CAPN9: variants seen among roughly 807,000 people sequenced by gnomAD.
The protein encoded by CAPN9 is calpain-9.
Under a neutral mutation model 92.8 loss-of-function variants are expected in CAPN9, and 81 were observed. The ratio of observed to expected loss-of-function variants is 0.87; its 90% CI spans 0.73 to 1.05. CAPN9 has a LOEUF of 1.05. Ranked by LOEUF, CAPN9 falls within the 50% of genes least tolerant of loss-of-function variation. CAPN9 has a pLI of 0.00. For synonymous variants in CAPN9, 304 were observed against 328.0 expected, an observed-to-expected ratio of 0.93 and a Z score of 0.79; for missense variants, 848 against 866.2, an observed-to-expected ratio of 0.98 and a Z score of 0.26.
chr1:230,780,268 C>T lies in CAPN9; in HGVS notation c.1204C>T (p.Gln402Ter), dbSNP rs907684890. Residue 402 changes from glutamine to a stop codon, truncating the protein, a stop_gained, in exon 10 of 20, where the codon CAG becomes TAG. Coordinates refer to ENST00000271971, the MANE Select transcript of CAPN9 (RefSeq NM_006615.3). LOFTEE classifies it high-confidence loss of function. ...GTGTAGTTTCCTTGTAGCCCTGATGCAGAAAGATAGAAGGAAACTCAAGAG... is the reference window on the plus strand; with the variant it reads ...GTGTAGTTTCCTTGTAGCCCTGATGTAGAAAGATAGAAGGAAACTCAAGAG... ...EECSFLVALM[Q>*]KDRRKLKRFG... 2.6e-5 allele frequency: 42 copies of T among 1,614,008 alleles called. No individual in the cohort carries two copies. Among genetic ancestry groups the T allele is most frequent in the Non-Finnish European group, 3.4e-5 (40 of 1,179,884 alleles).
chr1:230,801,784 T>A lies in CAPN9; in HGVS notation c.*188T>A, dbSNP rs540823096. ...GCTACACTCTCTGATTTTGTGCTACTCCTTTGTAAAGTCACTGCCTTAAGG... is the reference window on the plus strand; with the variant it reads ...GCTACACTCTCTGATTTTGTGCTACACCTTTGTAAAGTCACTGCCTTAAGG... On this transcript the variant is annotated 3_prime_UTR_variant, in exon 20 of 20. Transcript: ENST00000271971. 116 of 638,696 alleles carry A rather than the reference T, an allele frequency of 1.8e-4. 1 individual carries two copies. Among genetic ancestry groups the A allele is most frequent in the Admixed American group, 1.6e-3 (63 of 40,168 alleles). The allele number at this position is 638,696 out of a possible 1,614,324, so 39.6% of individuals were successfully genotyped here. A position where few individuals can be genotyped will look rare whatever the true frequency, so the allele number is the denominator to read the frequency against.
intron 1 of CAPN9, among the ~76,000 whole-genome samples, chr1:230,754,174 C>T (rs1665062281): frequency 6.6e-6 from 1 of 151,890 alleles, no homozygotes; most frequent in Non-Finnish European, 1.5e-5. Context: ...CCCTCCGCGT[C>T]CAGGGCAGCT....
chr1:230,776,571 G>A (rs1666796683), intron 8 of CAPN9: 1 of 152,188 alleles, frequency 6.6e-6, no homozygotes, highest in Admixed American at 6.5e-5. Flanking sequence ...ACTAGCTGCA[G>A]TAGTGAATAG....
intron 19 of CAPN9, among the ~76,000 whole-genome samples, chr1:230,800,206 AAAAGAAAGAAAAATAAG>A (rs1303907385): frequency 7.9e-5 from 10 of 126,318 alleles, no homozygotes; most frequent in African/African-American, 2.5e-4. Flanking sequence ...GAAAAGAAAG[AAAAGAAAGAAAAATAAG>A]AAAGAAAGAA....
At chr1:230,789,132 G>A (rs957437667) in intron 13 of CAPN9, among the ~76,000 whole-genome samples, 2 of 152,178 alleles carry the variant, frequency 1.3e-5, no homozygotes, top group South Asian at 4.2e-4. Flanking sequence ...ACGGACATGT[G>A]TTAGAAGCAC....
In CAPN9 at chr1:230,749,209, G is replaced by A. The variant is rs186060728; in HGVS notation, c.213+1500G>A. 3.5e-4 allele frequency among the ~76,000 whole-genome samples: 53 copies of A among 152,324 alleles called. 2 individuals are homozygous for A. Among genetic ancestry groups the A allele is most frequent in the Admixed American group, 1.0e-3 (16 of 15,308 alleles). ...CAGGCACCTTCCTCACCGAAGCCAC[G>A]CTGTGATTGTTTTTGGTTCTCTGCA... On this transcript the variant is annotated intron_variant, in intron 1 of 19. Transcript: ENST00000271971.
In CAPN9 at chr1:230,751,673, A is replaced by AAGAAAGAAAG. The variant is rs1558080341; in HGVS notation, c.214-3662_214-3653dup. On this transcript the variant is annotated intron_variant, in intron 1 of 19. Transcript: ENST00000271971. Reference sequence around the variant, plus strand: ...AAAGAAAGAAAGAAAGAAAGAAAGAAAGAAAGAAAGAAGGGTGGCTTTTCC... The same window carrying AAGAAAGAAAG: ...AAAGAAAGAAAGAAAGAAAGAAAGAAAGAAAGAAAGAGAAAGAAAGAAGGGTGGCTTTTCC... Among the ~76,000 whole-genome samples, 112 of 44,620 alleles carry AAGAAAGAAAG rather than the reference A, an allele frequency of 2.5e-3. 17 individuals carry two copies. The highest frequency in any genetic ancestry group is 7.5e-3 in the African/African-American group (50 of 6,668). The allele number at this position is 44,620 out of a possible 152,430, so 29.3% of individuals were successfully genotyped here. A position where few individuals can be genotyped will look rare whatever the true frequency, so the allele number is the denominator to read the frequency against.
intron 4 of CAPN9, among the ~76,000 whole-genome samples, chr1:230,765,398 C>G (rs564631941): frequency 3.9e-5 from 6 of 152,266 alleles, no homozygotes; most frequent in Admixed American, 2.0e-4. Flanking sequence ...GTGACTCACA[C>G]CTGTAATCCC....
At chr1:230,793,066 G>A (rs930983184) in intron 17 of CAPN9, 138 bp downstream of exon 17, 3 of 675,704 alleles carry the variant, frequency 4.4e-6, no homozygotes, top group Admixed American at 2.5e-5. Context: ...TAAGGTCACG[G>A]CCCTTGGAGT....
chr1:230,761,730 G>A (rs1449960848), intron 3 of CAPN9, among the ~76,000 whole-genome samples: 1 of 152,022 alleles, frequency 6.6e-6, no homozygotes, highest in African/African-American at 2.4e-5. Context: ...ACTCTTAGAG[G>A]TTACCTTAGG....
intron 8 of CAPN9, 119 bp from the exon 9 acceptor site, chr1:230,778,854 C>A (rs1667009148): frequency 5.3e-6 from 5 of 935,668 alleles, no homozygotes; most frequent in Non-Finnish European, 7.9e-6. Flanking sequence ...AGTCCCCCCA[C>A]TCCTTGCGGA....
At chr1:230,794,445 C>T (rs919215797) in intron 17 of CAPN9, among the ~76,000 whole-genome samples, 1 of 152,090 alleles carries the variant, frequency 6.6e-6, no homozygotes. Flanking sequence ...TGCACCACTG[C>T]ACTCCAGCCT....
chr1:230,771,377 C>T (rs1040324304), intron 6 of CAPN9, among the ~76,000 whole-genome samples: 1 of 152,240 alleles, frequency 6.6e-6, no homozygotes, highest in Non-Finnish European at 1.5e-5. Flanking sequence ...GGCCCTTGTC[C>T]CTGCTCCCAG....
chr1:230,763,092 A>G (rs1288327584), intron 4 of CAPN9, among the ~76,000 whole-genome samples: 3 of 152,222 alleles, frequency 2.0e-5, no homozygotes, highest in Non-Finnish European at 2.9e-5. Context: ...GACAGCACTT[A>G]GTGCTTCACA....
chr1:230,753,798 G>C (rs1357555689), intron 1 of CAPN9, among the ~76,000 whole-genome samples: 1 of 151,916 alleles, frequency 6.6e-6, no homozygotes, highest in Non-Finnish European at 1.5e-5. Context: ...GGGCCTCGCT[G>C]CCACAGGATT....
chr1:230,796,277 G>A (rs6701148), intron 18 of CAPN9, among the ~76,000 whole-genome samples: 107,497 of 150,994 alleles, frequency 0.71, 38,798 homozygotes, highest in Non-Finnish European at 0.73. Context: ...GTGAGCTGAG[G>A]TTTGCCACTG....
chr1:230,762,910 G>C, intron 4 of CAPN9, 124 bp downstream of exon 4: 1 of 1,020,160 alleles, frequency 9.8e-7, no homozygotes, highest in Non-Finnish European at 1.4e-6. Context: ...GGCTCGGCAG[G>C]ACCCAACCCT....
At chr1:230,749,038 G>C (rs1470696944) in intron 1 of CAPN9, among the ~76,000 whole-genome samples, 1 of 152,210 alleles carries the variant, frequency 6.6e-6, no homozygotes, top group African/African-American at 2.4e-5. Context: ...GCATAGGCGT[G>C]TATGTGGGGG....
At position 230,801,713 on chromosome 1, in the gene CAPN9, C is replaced by T. The variant is rs183264986; in HGVS notation, c.*117C>T. On this transcript the variant is annotated 3_prime_UTR_variant, in exon 20 of 20. Transcript: ENST00000271971. ...CAGGGTTCACTCCCCTCTCATCGTC[C>T]GGCCTTCTCCCTTCATCTTGATCTG... is the stretch of plus-strand genomic sequence containing the variant. The T allele has an allele frequency of 1.1e-4, 98 of 898,610 alleles. 1 individual carries two copies. The Middle Eastern group carries it at 1.7e-3, about 16-fold the overall frequency. The allele number at this position is 898,610 out of a possible 1,614,324, so 55.7% of individuals were successfully genotyped here. A position where few individuals can be genotyped will look rare whatever the true frequency, so the allele number is the denominator to read the frequency against.
Sources: allele counts gnomAD v4.1 joint callset (sites outside exome capture counted in the v4.1 genomes callset), GRCh38; gene constraint gnomAD v4.1.1; transcripts MANE v1.5; gene names NCBI Gene and HGNC (gene_info 2026-07-23, HGNC 2026-07-21).